Variants in LONRF3 observed in about 807,000 individuals in gnomAD.
LONRF3 encodes the protein LON peptidase N-terminal domain and ring finger 3, also known as LON peptidase N-terminal domain and RING finger protein 3.
A neutral mutation model predicts 51.7 loss-of-function variants in LONRF3; 19 were observed. The ratio of observed to expected loss-of-function variants is 0.37; its 90% CI spans 0.26 to 0.54. The LOEUF (loss-of-function observed/expected upper bound fraction) is 0.54, where lower values mean the gene tolerates loss of function less well. LONRF3 is among the 20% of genes least tolerant of loss of function. The pLI is 0.86. For missense variants in LONRF3, 521 were observed against 623.9 expected (o/e 0.84, Z 1.76); for synonymous variants, 265 against 257.8 (o/e 1.03, Z -0.27).
chrX:119,013,266 A>C, intron 9 of LONRF3, 65 bp downstream of exon 9: 1 of 1,081,826 alleles, frequency 9.2e-7, no homozygotes, highest in East Asian at 3.0e-5. Flanking sequence ...ACACAAAGAT[A>C]GTTGTGAAAG....
rs1471445600 is a variant in LONRF3, at chrX:118,989,644, G to T, written c.1296G>T (p.Thr432=). The part of the protein sequence containing the change: ...KHCQIESQEE[T]GMPNKASKQD... ...GCCAGATTGAATCCCAAGAAGAAAC[G>T]GGGATGCCTAATAAAGCCTCCAAGC... is the stretch of plus-strand genomic sequence containing the variant. The change falls in exon 4 of 11, where the codon ACG becomes ACT. Residue 432 remains threonine, a synonymous_variant. Transcript: ENST00000371628. The T allele has an allele frequency of 1.7e-6, 2 of 1,210,480 alleles. No homozygotes were observed. The highest frequency in any genetic ancestry group is 5.9e-5 in the East Asian group (2 of 33,816).
chrX:118,987,445 G>GTTTTTTTGTTTTT (rs763347940), intron 3 of LONRF3, among the ~76,000 whole-genome samples: 2 of 32,304 alleles, frequency 6.2e-5, no homozygotes, highest in African/African-American at 3.1e-4. Flanking sequence ...GCCTGGCTAA[G>GTTTTTTTGTTTTT]TTTTTTTTTT....
At chrX:118,981,483 C>A (rs868026288) in intron 2 of LONRF3, among the ~76,000 whole-genome samples, 85 of 75,966 alleles carry the variant, frequency 1.1e-3, no homozygotes, top group Admixed American at 1.3e-3. Context: ...GATTCTATCT[C>A]AAAAAAAAAA....
At position 118,978,414 on chromosome X, in the gene LONRF3, C is replaced by A; in HGVS notation, c.887C>A (p.Ala296Glu). Residue 296 changes from alanine (A) to glutamate (E), a missense_variant, in exon 2 of 11, where the codon GCA (alanine) becomes GAA (glutamate). Ala to Glu is a moderately radical substitution (Grantham distance 107). Around this residue, in one of 2 missense-constraint regions of LONRF3, gnomAD observed 376 missense variants for 376.7 expected, o/e 1.00. Transcript: ENST00000371628. ...TTCACCTTGGAGTCTCATGAGAATG[C>A]ACTGCATGATGCAGAAATAGCATGT... is the stretch of plus-strand genomic sequence containing the variant. ...IYFTLESHEN[A>E]LHDAEIACKL... 8.3e-7 allele frequency: 1 copy of A among 1,207,423 alleles called. No homozygotes were observed. Among genetic ancestry groups the A allele is most frequent in the Non-Finnish European group, 1.1e-6 (1 of 891,899 alleles).
intron 10 of LONRF3, among the ~76,000 whole-genome samples, chrX:119,014,912 C>T (rs1438814287): frequency 8.9e-6 from 1 of 111,874 alleles, no homozygotes; most frequent in African/African-American, 3.2e-5. Flanking sequence ...TGCTATTGTC[C>T]TCACCAGGGC....
chrX:118,998,923 G>A (rs1340254877), intron 5 of LONRF3, among the ~76,000 whole-genome samples: 1 of 112,153 alleles, frequency 8.9e-6, no homozygotes, highest in Non-Finnish European at 1.9e-5. Context: ...GCCTTCCAAG[G>A]TGCTGGGATT....
At chrX:118,986,814 C>T in intron 3 of LONRF3, 2 of 652,843 alleles carry the variant, frequency 3.1e-6, no homozygotes, top group Non-Finnish European at 4.6e-6. Flanking sequence ...CCAAGGCTTC[C>T]TCCCTGGAGT....
At chrX:118,982,199 A>C (rs1399292597) in intron 2 of LONRF3, among the ~76,000 whole-genome samples, 1 of 111,971 alleles carries the variant, frequency 8.9e-6, no homozygotes, top group Non-Finnish European at 1.9e-5. Context: ...GAGTAAGCTC[A>C]GCCCCTGGTT....
At chrX:118,995,969 G>T (rs1209043201) in intron 5 of LONRF3, among the ~76,000 whole-genome samples, 1 of 111,659 alleles carries the variant, frequency 9.0e-6, no homozygotes, top group Non-Finnish European at 1.9e-5. Flanking sequence ...AGATAAAGAG[G>T]GAACCCTCCC....
intron 5 of LONRF3, among the ~76,000 whole-genome samples, chrX:118,996,001 C>A (rs1923838328): frequency 2.7e-5 from 3 of 112,026 alleles, no homozygotes; most frequent in Admixed American, 1.9e-4. Flanking sequence ...ATGAAGCCAG[C>A]ATCACCCTAA....
chrX:119,012,118 C>G (rs753828649), intron 8 of LONRF3, 145 bp downstream of exon 8: 175 of 567,211 alleles, frequency 3.1e-4, no homozygotes, highest in Non-Finnish European at 4.4e-4. Flanking sequence ...ATCATTGTCC[C>G]TTTGGTGGTT....
At chrX:118,995,960 G>T (rs1240845072) in intron 5 of LONRF3, among the ~76,000 whole-genome samples, 1 of 111,819 alleles carries the variant, frequency 8.9e-6, no homozygotes, top group Admixed American at 9.5e-5. Flanking sequence ...TATTCCACAA[G>T]ATAAAGAGGG....
chrX:119,000,768 A>C (rs1170834881), intron 5 of LONRF3, among the ~76,000 whole-genome samples: 1 of 64,376 alleles, frequency 1.6e-5, no homozygotes, highest in African/African-American at 5.5e-5. Flanking sequence ...TTGTCAGTTC[A>C]CTCTCATTCT....
chrX:119,005,726 G>A (rs1028010539), intron 5 of LONRF3, among the ~76,000 whole-genome samples: 8 of 111,371 alleles, frequency 7.2e-5, no homozygotes, highest in African/African-American at 9.8e-5. Context: ...ATGTGTGTGC[G>A]TGTGTGTGTG....
chrX:119,006,546 G>A (rs760684812), intron 6 of LONRF3, among the ~76,000 whole-genome samples: 103 of 104,665 alleles, frequency 9.8e-4, no homozygotes, highest in Non-Finnish European at 1.5e-3. Flanking sequence ...GATTACAGGC[G>A]CATGCCACCA....
chrX:119,007,803 A>C (rs1189287133), intron 6 of LONRF3, among the ~76,000 whole-genome samples: 1 of 112,279 alleles, frequency 8.9e-6, no homozygotes, highest in East Asian at 2.8e-4. Context: ...GCCTGATTGT[A>C]GGTGAGAAGT....
chrX:118,998,235 G>A (rs1012569824), intron 5 of LONRF3, among the ~76,000 whole-genome samples: 6 of 112,357 alleles, frequency 5.3e-5, no homozygotes, highest in Non-Finnish European at 7.5e-5. Context: ...ATCAACGAGT[G>A]GATAAAGAAA....
intron 5 of LONRF3, among the ~76,000 whole-genome samples, chrX:119,003,200 C>A (rs1924457641): frequency 9.0e-6 from 1 of 111,107 alleles, no homozygotes; most frequent in South Asian, 3.8e-4. Context: ...TCTTTATTTT[C>A]TTTTATTTGA....
At position 118,990,484 on chromosome X, in the gene LONRF3, C is replaced by T. The variant is rs888998754; in HGVS notation, c.1339C>T (p.Gln447Ter). The change falls in exon 5 of 11, where the codon CAG becomes TAG. Residue 447 changes from glutamine to a stop codon, truncating the protein, a stop_gained. Coordinates refer to ENST00000371628, the MANE Select transcript of LONRF3 (RefSeq NM_001031855.3). LOFTEE classifies it high-confidence loss of function. ...KASKQDPPTDQGDKPALSLPL... is the reference protein window; with the variant it reads ...KASKQDPPTD Reference sequence around the variant, plus strand: ...CTAAATCGCAGATCCTCCCACTGATCAGGGGGACAAACCTGCTCTCAGTTT... The same window carrying T: ...CTAAATCGCAGATCCTCCCACTGATTAGGGGGACAAACCTGCTCTCAGTTT... The T allele has an allele frequency of 8.3e-7, 1 of 1,209,987 alleles. No individual in the cohort carries two copies. Among genetic ancestry groups the T allele is most frequent in the Non-Finnish European group, 1.1e-6 (1 of 893,911 alleles).
Sources: gnomAD v4.1 joint callset for allele counts (sites outside exome capture counted in the v4.1 genomes callset) on GRCh38, gnomAD v4.1.1 for gene constraint, gnomAD v4.1.1 regional missense constraint, MANE v1.5 for transcripts, NCBI Gene and HGNC (gene_info 2026-07-23, HGNC 2026-07-21) for gene names.